The following PFKL variants were observed in gnomAD, a reference collection of about 807,000 sequenced individuals.
PFKL encodes phosphofructokinase, liver type, also known as ATP-dependent 6-phosphofructokinase, liver type.
Under a neutral mutation model 92.1 loss-of-function variants are expected in PFKL, and 74 were observed. The ratio of observed to expected loss-of-function variants is 0.80; its 90% CI spans 0.67 to 0.97. PFKL has a LOEUF of 0.97. Ranked by LOEUF, PFKL falls within the 50% of genes least tolerant of loss-of-function variation. PFKL has a pLI of 0.00. For synonymous variants in PFKL, 494 were observed against 456.4 expected, an observed-to-expected ratio of 1.08 and a Z score of -1.05; for missense variants, 1,028 against 1,116.6, an observed-to-expected ratio of 0.92 and a Z score of 1.13.
intron 12 of PFKL, 42 bp from the exon 13 acceptor site, chr21:44,321,686 CT>C: frequency 6.7e-7 from 1 of 1,485,852 alleles, no homozygotes. Context: ...TGGGGGTCCC[CT>C]CCCCGGCTGT....
chr21:44,307,765 G>T (rs1292362331), intron 2 of PFKL, among the ~76,000 whole-genome samples: 1 of 152,108 alleles, frequency 6.6e-6, no homozygotes, highest in Non-Finnish European at 1.5e-5. Flanking sequence ...AGGTCTCAGA[G>T]CCCTGGGGAG....
Position 44,321,867 on chromosome 21 carries a change from A to G in PFKL, c.1330A>G (p.Lys444Glu). 6.5e-7 allele frequency: 1 copy of G among 1,547,322 alleles called. No individual in the cohort carries two copies. The highest frequency in any genetic ancestry group is 8.7e-7 in the Non-Finnish European group (1 of 1,143,642). Reference sequence around the variant, plus strand: ...GCACGATGGCTTCGAAGGCCTAGCCAAGGGTCAGGTGGGTCCGGCCGGGGC... The same window carrying G: ...GCACGATGGCTTCGAAGGCCTAGCCGAGGGTCAGGTGGGTCCGGCCGGGGC... The part of the protein sequence containing the change: ...VVHDGFEGLA[K>E]GQVQEVGWHD... Residue 444 changes from lysine to glutamate, a missense_variant, in exon 13 of 22, where the codon AAG (lysine) becomes GAG (glutamate). Transcript: ENST00000349048.
At chr21:44,303,440 A>AAAAAAAAAAAGACTTGATCG (rs2040832858) in intron 1 of PFKL, among the ~76,000 whole-genome samples, 3 of 68,714 alleles carry the variant, frequency 4.4e-5, no homozygotes, top group African/African-American at 2.0e-4. Context: ...GACCAAAAAA[A>AAAAAAAAAAAGACTTGATCG]AAAAAAAAAA....
At chr21:44,310,243 G>A (rs957265927) in intron 2 of PFKL, among the ~76,000 whole-genome samples, 10 of 152,264 alleles carry the variant, frequency 6.6e-5, no homozygotes, top group Non-Finnish European at 1.3e-4. Context: ...AAACGGGCAC[G>A]TGGCACGGAG....
chr21:44,320,427 C>G (rs1013327138), intron 12 of PFKL: 1 of 332,304 alleles, frequency 3.0e-6, no homozygotes, highest in African/African-American at 2.1e-5. Flanking sequence ...AGAGGAGAAG[C>G]CATTGTGTAG....
chr21:44,309,939 C>G (rs965057137), intron 2 of PFKL, among the ~76,000 whole-genome samples: 1 of 152,242 alleles, frequency 6.6e-6, no homozygotes, highest in Non-Finnish European at 1.5e-5. Flanking sequence ...GCGCACTATC[C>G]CTTGACCCCC....
At chr21:44,310,881 G>T (rs977262453) in intron 2 of PFKL, 125 bp from the exon 3 acceptor site, 3 of 678,280 alleles carry the variant, frequency 4.4e-6, no homozygotes, top group Non-Finnish European at 7.9e-6. Context: ...GGATGATGGT[G>T]GGGCCTCACA....
chr21:44,302,062 T>C (rs893160975), intron 1 of PFKL, among the ~76,000 whole-genome samples: 1 of 152,130 alleles, frequency 6.6e-6, no homozygotes, highest in Non-Finnish European at 1.5e-5. Context: ...GCCGGCTGGG[T>C]GGGCCTCCCA....
chr21:44,317,649 G>A (rs1568960212), intron 9 of PFKL, among the ~76,000 whole-genome samples: 1 of 152,222 alleles, frequency 6.6e-6, no homozygotes, highest in South Asian at 2.1e-4. Flanking sequence ...GTCACCCAGA[G>A]CGTCAGCATT....
Position 44,323,023 on chromosome 21 carries a change from G to A in PFKL, c.1471G>A (p.Ala491Thr), listed in dbSNP as rs749065369. 6 of 1,612,986 alleles carry A rather than the reference G, an allele frequency of 3.7e-6. No individual in the cohort carries two copies. The highest frequency in any genetic ancestry group is 1.7e-5 in the Admixed American group (1 of 59,994). ...VENIRIYGIH[A>T]LLVVGGFEAY... ...GAACATCCGCATCTATGGTATTCAC[G>A]CCCTGCTGGTGGTCGGTGGGTTTGA... is the stretch of plus-strand genomic sequence containing the variant. The change falls in exon 15 of 22, where the codon GCC becomes ACC. Residue 491 changes from alanine (A) to threonine (T), a missense_variant. By Grantham distance (58) the Ala-to-Thr change is moderately conservative (BLOSUM62 0). Coordinates refer to ENST00000349048, the MANE Select transcript of PFKL (RefSeq NM_002626.6).
chr21:44,320,043 C>T (rs778580133), intron 11 of PFKL, 41 bp from the exon 12 acceptor site: 27 of 1,577,634 alleles, frequency 1.7e-5, no homozygotes, highest in African/African-American at 6.7e-5. Flanking sequence ...TACGCCGTGG[C>T]GCTGCAGGGC....
In PFKL at chr21:44,313,699, T is replaced by C; in HGVS notation, c.638+17T>C. ...GCACTGCGGGTGAGGAGGGGCTTCC[T>C]GGCCCGCTGGGTGGCCCGGGTGCTG... is the stretch of plus-strand genomic sequence containing the variant. On this transcript the variant is annotated intron_variant, in intron 6 of 21. Coordinates refer to ENST00000349048, the MANE Select transcript of PFKL (RefSeq NM_002626.6). 6.2e-7 allele frequency: 1 copy of C among 1,607,914 alleles called. No homozygotes were observed.
At position 44,306,616 on chromosome 21, in the gene PFKL, T is replaced by TGGC. The variant is rs1555875631; in HGVS notation, c.86-63_86-62insCGG. The stretch of plus-strand genomic sequence containing the variant: ...CTCCCCTACCCCCTGTCCTCTGAGA[T>TGGC]GGGGAGGGTGTCCAGGGCCTTGCTT... On this transcript the variant is annotated intron_variant, in intron 1 of 21. Transcript: ENST00000349048. The TGGC allele has an allele frequency of 1.7e-5, 24 of 1,393,582 alleles. 1 individual carries two copies. In the Admixed American group the frequency reaches 3.0e-4, roughly 18 times the overall value. 86.3% of individuals were successfully genotyped at this position (1,393,582 alleles called of 1,614,324 possible).
intron 1 of PFKL, chr21:44,305,778 C>G (rs1399405969): frequency 1.5e-6 from 2 of 1,365,906 alleles, no homozygotes; most frequent in Non-Finnish European, 2.0e-6. Context: ...GTGCCGCCTC[C>G]CCCGTTAATG....
chr21:44,323,957 C>T (rs2047427365), intron 16 of PFKL, 39 bp downstream of exon 16: 2 of 1,610,876 alleles, frequency 1.2e-6, no homozygotes, highest in African/African-American at 1.3e-5. Context: ...ATGCCCAGGC[C>T]CTTGTGGGGT....
At chr21:44,300,994 C>T (rs2040759146) in intron 1 of PFKL, among the ~76,000 whole-genome samples, 1 of 152,314 alleles carries the variant, frequency 6.6e-6, no homozygotes, top group Non-Finnish European at 1.5e-5. Context: ...ATTTAGGAGA[C>T]CAGAAGTGAG....
intron 1 of PFKL, 116 bp from the exon 2 acceptor site, chr21:44,306,565 C>T: frequency 1.2e-6 from 1 of 854,416 alleles, no homozygotes; most frequent in Non-Finnish European, 1.9e-6. Context: ...ACCACCCGCC[C>T]TCTGAGATGG....
intron 12 of PFKL, 47 bp downstream of exon 12, chr21:44,320,194 T>C (rs1215753876): frequency 6.5e-7 from 1 of 1,538,124 alleles, no homozygotes; most frequent in South Asian, 1.1e-5. Flanking sequence ...GGCTCAGTTA[T>C]TCTGCAGCCT....
chr21:44,313,718 G>A (rs755287302), intron 6 of PFKL, 36 bp downstream of exon 6: 1 of 1,593,922 alleles, frequency 6.3e-7, no homozygotes, highest in Non-Finnish European at 8.6e-7. Flanking sequence ...GGGTGGCCCG[G>A]GTGCTGCTGG....
Sources: allele counts gnomAD v4.1 joint callset (sites outside exome capture counted in the v4.1 genomes callset), GRCh38; gene constraint gnomAD v4.1.1; transcripts MANE v1.5; gene names NCBI Gene and HGNC (gene_info 2026-07-23, HGNC 2026-07-21).